The following LDLRAD3 variants were observed in gnomAD, a reference collection of about 807,000 sequenced individuals.
LDLRAD3 encodes the protein low-density lipoprotein receptor class A domain-containing protein 3.
Under a neutral mutation model 29.4 loss-of-function variants are expected in LDLRAD3, and 20 were observed. The observed-to-expected ratio is 0.68, with a 90% CI of 0.48 to 0.99. The LOEUF is 0.99. Ranked by LOEUF, LDLRAD3 falls within the 50% of genes least tolerant of loss-of-function variation. LDLRAD3 has a pLI of 0.00. For missense variants in LDLRAD3, 420 were observed against 454.3 expected, an observed-to-expected ratio of 0.92 and a Z score of 0.69; for synonymous variants, 157 against 192.7, an observed-to-expected ratio of 0.81 and a Z score of 1.53.
chr11:36,048,506 AT>A (rs11289368), intron 2 of LDLRAD3, among the ~76,000 whole-genome samples: 14,354 of 152,260 alleles, frequency 0.094, 902 homozygotes, highest in Admixed American at 0.15. Context: ...AGTCAGGTCT[AT>A]TGAGATAAGG....
intron 1 of LDLRAD3, among the ~76,000 whole-genome samples, chr11:35,965,905 C>A (rs1246316277): frequency 6.6e-6 from 1 of 152,152 alleles, no homozygotes; most frequent in African/African-American, 2.4e-5. Context: ...TTATCAAATA[C>A]CTTTATGACC....
intron 1 of LDLRAD3, among the ~76,000 whole-genome samples, chr11:36,005,619 C>T (rs1252790442): frequency 6.6e-6 from 1 of 152,226 alleles, no homozygotes; most frequent in Non-Finnish European, 1.5e-5. Flanking sequence ...TCGAAAGTCA[C>T]TTTCACATGT....
intron 4 of LDLRAD3, among the ~76,000 whole-genome samples, chr11:36,144,751 G>A (rs1408333580): frequency 7.2e-6 from 1 of 138,948 alleles, no homozygotes; most frequent in African/African-American, 2.7e-5. Context: ...CCGTCCGGGA[G>A]GGAGGTGGGG....
At chr11:36,162,164 A>G (rs1854449912) in intron 4 of LDLRAD3, among the ~76,000 whole-genome samples, 1 of 152,170 alleles carries the variant, frequency 6.6e-6, no homozygotes, top group African/African-American at 2.4e-5. Flanking sequence ...CTGGCGTGGT[A>G]TTTTTAAGCC....
At chr11:35,974,385 G>T (rs1211998562) in intron 1 of LDLRAD3, among the ~76,000 whole-genome samples, 2 of 151,450 alleles carry the variant, frequency 1.3e-5, no homozygotes, top group African/African-American at 4.9e-5. Context: ...CCTCTCTTCT[G>T]TTGCTGCTGT....
chr11:35,976,106 G>A (rs1393226473), intron 1 of LDLRAD3, among the ~76,000 whole-genome samples: 1 of 152,076 alleles, frequency 6.6e-6, no homozygotes, highest in Non-Finnish European at 1.5e-5. Context: ...AGGAAGGATA[G>A]GGCCTAGTTC....
chr11:36,133,828 C>T (rs1207129122), intron 4 of LDLRAD3, among the ~76,000 whole-genome samples: 1 of 152,022 alleles, frequency 6.6e-6, no homozygotes, highest in African/African-American at 2.4e-5. Flanking sequence ...TGAGCCACCG[C>T]GCCCGGCCCA....
At chr11:35,999,012 T>C (rs1334415518) in intron 1 of LDLRAD3, among the ~76,000 whole-genome samples, 1 of 152,208 alleles carries the variant, frequency 6.6e-6, no homozygotes, top group African/African-American at 2.4e-5. Flanking sequence ...TACCTGACAC[T>C]GTGTAAAGCC....
chr11:36,124,817 G>A (rs1028337066), intron 4 of LDLRAD3, among the ~76,000 whole-genome samples: 2 of 151,756 alleles, frequency 1.3e-5, no homozygotes, highest in Non-Finnish European at 1.5e-5. Context: ...TCAGACTCCC[G>A]AGTAGCTGGG....
intron 1 of LDLRAD3, among the ~76,000 whole-genome samples, chr11:35,987,896 C>T (rs187080597): frequency 1.1e-4 from 16 of 152,312 alleles, no homozygotes; most frequent in Admixed American, 7.8e-4. Flanking sequence ...TGTGTATAAG[C>T]GTTCCGTTTG....
chr11:36,056,813 T>C lies in LDLRAD3; in HGVS notation c.193+20564T>C, dbSNP rs796256239. Among the ~76,000 whole-genome samples the C allele has an allele frequency of 2.0e-4, 30 of 152,250 alleles. 1 individual carries two copies. Among genetic ancestry groups the C allele is most frequent in the African/African-American group, 7.2e-4 (30 of 41,536 alleles). ...CATTCTCAGGGCACTCTCCACTAAATATGTCTGGCAGGAGGGTACACGATA... is the reference window on the plus strand; with the variant it reads ...CATTCTCAGGGCACTCTCCACTAAACATGTCTGGCAGGAGGGTACACGATA... On this transcript the variant is annotated intron_variant, in intron 2 of 5. Coordinates refer to ENST00000315571, the MANE Select transcript of LDLRAD3 (RefSeq NM_174902.4).
chr11:36,136,001 G>A (rs1565248937), intron 4 of LDLRAD3, among the ~76,000 whole-genome samples: 1 of 152,212 alleles, frequency 6.6e-6, no homozygotes, highest in Non-Finnish European at 1.5e-5. Flanking sequence ...ATTTCTTGGA[G>A]TTACATCTCG....
intron 4 of LDLRAD3, among the ~76,000 whole-genome samples, chr11:36,154,708 C>G (rs7111826): frequency 6.6e-6 from 1 of 152,138 alleles, no homozygotes; most frequent in Non-Finnish European, 1.5e-5. Flanking sequence ...AATTAGGAAT[C>G]TGTTTCATGT....
At chr11:36,076,734 T>C (rs922951512) in intron 2 of LDLRAD3, among the ~76,000 whole-genome samples, 1 of 152,232 alleles carries the variant, frequency 6.6e-6, no homozygotes, top group African/African-American at 2.4e-5. Flanking sequence ...GACAGAAATC[T>C]TACAATATAT....
At chr11:36,088,114 C>G (rs190074009) in intron 3 of LDLRAD3, among the ~76,000 whole-genome samples, 16 of 152,198 alleles carry the variant, frequency 1.1e-4, no homozygotes, top group Admixed American at 6.5e-4. Flanking sequence ...CTTGACCTCC[C>G]AAAGTACTGG....
At chr11:35,963,794 G>A (rs866624278) in intron 1 of LDLRAD3, among the ~76,000 whole-genome samples, 2 of 152,236 alleles carry the variant, frequency 1.3e-5, no homozygotes, top group South Asian at 4.2e-4. Context: ...CTTATTGTTC[G>A]CTTACTTGTA....
In LDLRAD3 at chr11:36,076,250, A is replaced by G. The variant is rs1300755949; in HGVS notation, c.194-5403A>G. ...CATCCATCCATCCATCCATCCATCC[A>G]TCCATCCATCCATCCTGTCTGTCTA... On this transcript the variant is annotated intron_variant, in intron 2 of 5. Coordinates refer to ENST00000315571, the MANE Select transcript of LDLRAD3 (RefSeq NM_174902.4). Among the ~76,000 whole-genome samples, 8 of 151,854 alleles carry G rather than the reference A, an allele frequency of 5.3e-5. No homozygotes were observed. The South Asian group carries it at 1.7e-3, about 32-fold the overall frequency.
intron 1 of LDLRAD3, among the ~76,000 whole-genome samples, chr11:36,012,191 A>G (rs181257914): frequency 5.8e-4 from 89 of 152,304 alleles, no homozygotes; most frequent in African/African-American, 1.9e-3. Flanking sequence ...ATTGCTGTCA[A>G]CTGAAACCTA....
chr11:35,974,041 T>A (rs1351450289), intron 1 of LDLRAD3, among the ~76,000 whole-genome samples: 1 of 152,192 alleles, frequency 6.6e-6, no homozygotes, highest in Non-Finnish European at 1.5e-5. Flanking sequence ...GTAATTAATC[T>A]TTTTCTTATT....
Sources: allele counts gnomAD v4.1 joint callset (sites outside exome capture counted in the v4.1 genomes callset), GRCh38; gene constraint gnomAD v4.1.1; transcripts MANE v1.5; gene names NCBI Gene and HGNC (gene_info 2026-07-23, HGNC 2026-07-21).